Variants in STS observed in about 807,000 individuals in gnomAD.
STS encodes the protein steroid sulfatase, also known as steryl-sulfatase.
In STS, 7 loss-of-function variants were observed where a neutral mutation model predicts 26.8. That is an observed-to-expected ratio of 0.26 (90% CI 0.15 to 0.49). The LOEUF is 0.49. STS is among the 20% of genes least tolerant of loss of function. The probability of loss-of-function intolerance (pLI) is 0.98; values close to 1 mark genes in which losing one functional copy is unlikely to be tolerated. For missense variants in STS, 434 were observed against 465.6 expected (o/e 0.93, Z 0.63); for synonymous variants, 199 against 189.4 (o/e 1.05, Z -0.42).
At chrX:7,223,839 A>G (rs1490185130) in intron 2 of STS, among the ~76,000 whole-genome samples, 1 of 111,012 alleles carries the variant, frequency 9.0e-6, no homozygotes, top group African/African-American at 3.3e-5. Flanking sequence ...AGTGAATTAG[A>G]TATATTTTTT....
chrX:7,341,785 A>G (rs1363584918), intron 10 of STS, among the ~76,000 whole-genome samples: 1 of 104,203 alleles, frequency 9.6e-6, no homozygotes, highest in East Asian at 3.0e-4. Flanking sequence ...CCTAATAACC[A>G]TCATCTCTTT....
chrX:7,267,965 G>A (rs1183529310), intron 6 of STS, among the ~76,000 whole-genome samples: 1 of 111,400 alleles, frequency 9.0e-6, no homozygotes, highest in East Asian at 2.8e-4. Context: ...TGGAAATTAT[G>A]TAGAGTTCTG....
chrX:7,187,890 C>A (rs1051870637), intron 1 of STS, among the ~76,000 whole-genome samples: 2 of 111,522 alleles, frequency 1.8e-5, no homozygotes, highest in African/African-American at 6.5e-5. Context: ...ACTGGAATTT[C>A]ATTTGGAGGG....
chrX:7,230,326 A>G (rs1484639316), intron 2 of STS, among the ~76,000 whole-genome samples: 3 of 111,936 alleles, frequency 2.7e-5, no homozygotes, highest in Non-Finnish European at 5.6e-5. Flanking sequence ...TAGAATTTCC[A>G]TATGACCCAG....
intron 10 of STS, among the ~76,000 whole-genome samples, chrX:7,336,611 A>G (rs150125966): frequency 1.6e-3 from 180 of 111,913 alleles, no homozygotes; most frequent in African/African-American, 5.6e-3. Flanking sequence ...CACAATTCCT[A>G]GTTTCCATAA....
In STS at chrX:7,348,892, C is replaced by G. The variant is rs749485020; in HGVS notation, c.1364-996C>G. Among the ~76,000 whole-genome samples, 7 of 111,946 alleles carry G rather than the reference C, an allele frequency of 6.3e-5. No individual in the cohort carries two copies. In the South Asian group the frequency reaches 2.6e-3, roughly 42 times the overall value. On this transcript the variant is annotated intron_variant, in intron 10 of 10. Coordinates refer to ENST00000674429, the MANE Select transcript of STS (RefSeq NM_001320752.2). Reference sequence around the variant, plus strand: ...CTCCTTCATCGCCAAAAGATCATTTCCATTCCCCATTTGTAATCCCTCCTC... The same window carrying G: ...CTCCTTCATCGCCAAAAGATCATTTGCATTCCCCATTTGTAATCCCTCCTC...
At chrX:7,204,636 C>G (rs558171966) in intron 2 of STS, among the ~76,000 whole-genome samples, 25 of 103,492 alleles carry the variant, frequency 2.4e-4, no homozygotes, top group Middle Eastern at 5.1e-3. Flanking sequence ...CCCTCCCTCT[C>G]TTCCTTTTTT....
intron 9 of STS, among the ~76,000 whole-genome samples, chrX:7,328,753 G>C (rs1432921134): frequency 9.0e-6 from 1 of 110,780 alleles, no homozygotes; most frequent in Non-Finnish European, 1.9e-5. Flanking sequence ...TAGAGACGGG[G>C]TTTCACTATG....
intron 7 of STS, among the ~76,000 whole-genome samples, chrX:7,292,336 C>G (rs1349062603): frequency 8.9e-6 from 1 of 112,235 alleles, no homozygotes; most frequent in Non-Finnish European, 1.9e-5. Flanking sequence ...AGGAGTGGGT[C>G]TTGCTCAGAT....
At chrX:7,246,795 C>T (rs760319489) in intron 2 of STS, among the ~76,000 whole-genome samples, 99 of 112,607 alleles carry the variant, frequency 8.8e-4, no homozygotes, top group African/African-American at 3.0e-3. Context: ...GAAGCCATTA[C>T]ATATCTTTAG....
chrX:7,340,254 C>T (rs974356758), intron 10 of STS, among the ~76,000 whole-genome samples: 2 of 110,980 alleles, frequency 1.8e-5, no homozygotes, highest in Admixed American at 9.6e-5. Flanking sequence ...GACTTCAACA[C>T]GGGGTGTCTC....
At chrX:7,149,576 C>A (rs1440905933) in intron 1 of STS, among the ~76,000 whole-genome samples, 1 of 111,998 alleles carries the variant, frequency 8.9e-6, no homozygotes, top group Non-Finnish European at 1.9e-5. Flanking sequence ...TAGGGACTTG[C>A]GCCTCAAATA....
chrX:7,218,301 A>G (rs1190612704), intron 2 of STS, among the ~76,000 whole-genome samples: 1 of 112,567 alleles, frequency 8.9e-6, no homozygotes, highest in African/African-American at 3.2e-5. Flanking sequence ...ACTTGATGCA[A>G]TCAGATTCCT....
chrX:7,335,443 T>C (rs1417635197), intron 10 of STS, among the ~76,000 whole-genome samples: 1 of 112,206 alleles, frequency 8.9e-6, no homozygotes, highest in Non-Finnish European at 1.9e-5. Flanking sequence ...TTGCCCACTT[T>C]TTGATGGGGT....
chrX:7,178,538 G>C (rs1322605824), intron 1 of STS, among the ~76,000 whole-genome samples: 1 of 111,385 alleles, frequency 9.0e-6, no homozygotes, highest in Non-Finnish European at 1.9e-5. Context: ...TTGTCCTTTT[G>C]CTTGGGTTCC....
intron 1 of STS, among the ~76,000 whole-genome samples, chrX:7,178,720 C>T (rs1380177598): frequency 8.9e-6 from 1 of 112,441 alleles, no homozygotes; most frequent in Non-Finnish European, 1.9e-5. Context: ...TTTCTCTAGT[C>T]CTTCTCATGA....
At chrX:7,167,208 AATTTATTT>A (rs1235694586) in intron 1 of STS, among the ~76,000 whole-genome samples, 6 of 109,921 alleles carry the variant, frequency 5.5e-5, no homozygotes, top group African/African-American at 1.0e-4. Flanking sequence ...GTTGATAAAA[AATTTATTT>A]ATTTATTTAT....
At chrX:7,337,100 A>G (rs1692271756) in intron 10 of STS, among the ~76,000 whole-genome samples, 1 of 112,191 alleles carries the variant, frequency 8.9e-6, no homozygotes, top group South Asian at 3.7e-4. Context: ...CCTCAGGAAA[A>G]CAAGACGTTT....
intron 6 of STS, among the ~76,000 whole-genome samples, chrX:7,273,370 T>C (rs147050058): frequency 9.0e-6 from 1 of 111,710 alleles, no homozygotes; most frequent in Non-Finnish European, 1.9e-5. Flanking sequence ...AGGCAAGTTA[T>C]AGAGACCAGA....
Sources: allele counts gnomAD v4.1 joint callset (sites outside exome capture counted in the v4.1 genomes callset), GRCh38; gene constraint gnomAD v4.1.1; transcripts MANE v1.5; gene names NCBI Gene and HGNC (gene_info 2026-07-23, HGNC 2026-07-21).